CRACD: variants seen among roughly 807,000 people sequenced by gnomAD.
CRACD encodes the protein capping protein inhibiting regulator of actin dynamics.
Under a neutral mutation model 106.8 loss-of-function variants are expected in CRACD, and 56 were observed. The observed-to-expected ratio is 0.52, with a 90% confidence interval of 0.42 to 0.66. CRACD has a LOEUF of 0.66. Among genes scored for constraint, CRACD ranks in the 30% least tolerant of loss-of-function variants. The pLI is 0.00. For missense variants in CRACD, 1,730 were observed against 1,623.2 expected, an observed-to-expected ratio of 1.07 and a Z score of -1.13; for synonymous variants, 754 against 670.8, an observed-to-expected ratio of 1.12 and a Z score of -1.92.
At chr4:56,131,938 A>G (rs571615144) in intron 1 of CRACD, among the ~76,000 whole-genome samples, 2 of 152,326 alleles carry the variant, frequency 1.3e-5, no homozygotes, top group Non-Finnish European at 2.9e-5. Context: ...TGATGTAACT[A>G]TATTTTTGGA....
At position 56,181,101 on chromosome 4, in the gene CRACD, A is replaced by G. The variant is rs958454121; in HGVS notation, c.-189+1671A>G. 8.6e-4 allele frequency among the ~76,000 whole-genome samples: 131 copies of G among 152,228 alleles called. 6 individuals are homozygous for G. Among genetic ancestry groups the G allele is most frequent in the Admixed American group, 8.6e-3 (131 of 15,284 alleles). On this transcript the variant is annotated intron_variant, in intron 2 of 10. Transcript: ENST00000682029. Reference sequence around the variant, plus strand: ...GCTTAATGTTGTAGCATGGATGGAGATGATAAATAATGCATATAATAAACA... The same window carrying G: ...GCTTAATGTTGTAGCATGGATGGAGGTGATAAATAATGCATATAATAAACA...
intron 2 of CRACD, among the ~76,000 whole-genome samples, chr4:56,184,782 T>G (rs1252363814): frequency 6.6e-6 from 1 of 152,192 alleles, no homozygotes; most frequent in African/African-American, 2.4e-5. Flanking sequence ...TAATCCCTCT[T>G]ATCACTATGG....
chr4:56,165,231 T>C (rs1169617746), intron 1 of CRACD, among the ~76,000 whole-genome samples: 1 of 152,230 alleles, frequency 6.6e-6, no homozygotes. Flanking sequence ...GTGATGTTTC[T>C]CAGCCTAGTG....
chr4:56,120,749 T>C (rs1407763377), intron 1 of CRACD, among the ~76,000 whole-genome samples: 1 of 152,238 alleles, frequency 6.6e-6, no homozygotes, highest in African/African-American at 2.4e-5. Context: ...TGGTTTTAAA[T>C]ATCCATGTAT....
chr4:56,124,791 A>G (rs996747948), intron 1 of CRACD, among the ~76,000 whole-genome samples: 1 of 152,014 alleles, frequency 6.6e-6, no homozygotes, highest in African/African-American at 2.4e-5. Flanking sequence ...TTGGTAGAGG[A>G]AGAGTTGCTT....
chr4:56,180,317 C>G (rs1055190882), intron 2 of CRACD, among the ~76,000 whole-genome samples: 1 of 151,916 alleles, frequency 6.6e-6, no homozygotes, highest in African/African-American at 2.4e-5. Flanking sequence ...CGGTGAAACC[C>G]CATCTCTACT....
intron 2 of CRACD, among the ~76,000 whole-genome samples, chr4:56,183,945 C>T (rs1736970106): frequency 6.6e-6 from 1 of 152,118 alleles, no homozygotes; most frequent in Non-Finnish European, 1.5e-5. Context: ...TGTTTTTATT[C>T]CCTCTAAGCT....
chr4:56,199,858 T>A lies in CRACD; in HGVS notation c.-189+20428T>A, dbSNP rs73817398. ...GAGCTTCCAAGGACAGATTTCACAT[T>A]ACTGCAAGTTAAACTTCTGACTTTT... On this transcript the variant is annotated intron_variant, in intron 2 of 10. Coordinates refer to ENST00000682029, the MANE Select transcript of CRACD (RefSeq NM_001393381.1). Among the ~76,000 whole-genome samples the A allele has an allele frequency of 7.3e-3, 1,107 of 152,244 alleles. 17 individuals carry two copies. Among genetic ancestry groups the A allele is most frequent in the African/African-American group, 0.025 (1,043 of 41,546 alleles).
intron 1 of CRACD, among the ~76,000 whole-genome samples, chr4:56,059,023 T>C (rs1732179331): frequency 6.6e-6 from 1 of 152,234 alleles, no homozygotes; most frequent in African/African-American, 2.4e-5. Context: ...TCTTTTTTTT[T>C]GTCTGTTACA....
intron 3 of CRACD, chr4:56,288,704 G>A (rs1251084136): frequency 6.6e-6 from 1 of 152,208 alleles, no homozygotes; most frequent in Non-Finnish European, 1.5e-5. Context: ...TCAAGATGAT[G>A]TAGATCTTCT....
intron 2 of CRACD, among the ~76,000 whole-genome samples, chr4:56,265,401 GGGGTGT>G (rs58935288): frequency 0.6 from 70,244 of 116,110 alleles, 16,553 homozygotes; most frequent in East Asian, 0.7. Context: ...GTATAGAGGA[GGGGTGT>G]GTGTGTGTGT....
chr4:56,195,693 C>G (rs528513989), intron 2 of CRACD, among the ~76,000 whole-genome samples: 3 of 152,120 alleles, frequency 2.0e-5, no homozygotes, highest in East Asian at 1.9e-4. Context: ...ATATATTTTT[C>G]TAATAAACAA....
chr4:56,304,755 C>T (rs1560527380), intron 4 of CRACD, among the ~76,000 whole-genome samples: 1 of 151,558 alleles, frequency 6.6e-6, no homozygotes, highest in Admixed American at 6.6e-5. Flanking sequence ...GCACTTTAGC[C>T]TGGGCAACAG....
chr4:56,235,610 C>G (rs1441078895), intron 2 of CRACD, among the ~76,000 whole-genome samples: 1 of 152,160 alleles, frequency 6.6e-6, no homozygotes, highest in Non-Finnish European at 1.5e-5. Flanking sequence ...AAGTCATACG[C>G]TACATGCTCA....
At chr4:56,120,483 A>G (rs1734447624) in intron 1 of CRACD, among the ~76,000 whole-genome samples, 1 of 152,232 alleles carries the variant, frequency 6.6e-6, no homozygotes, top group Admixed American at 6.5e-5. Context: ...GAAATTACCA[A>G]ATAGTTATCT....
At chr4:56,093,079 CAT>C (rs1733477248) in intron 1 of CRACD, among the ~76,000 whole-genome samples, 1 of 152,122 alleles carries the variant, frequency 6.6e-6, no homozygotes. Flanking sequence ...GGAGTTTTTT[CAT>C]AGTTTCTGTG....
intron 1 of CRACD, among the ~76,000 whole-genome samples, chr4:56,096,575 G>A (rs752951827): frequency 1.3e-5 from 2 of 152,000 alleles, no homozygotes; most frequent in Admixed American, 1.3e-4. Flanking sequence ...TTAGCTGCAC[G>A]TGGTGGAGTG....
intron 1 of CRACD, among the ~76,000 whole-genome samples, chr4:56,063,496 A>C (rs1732352582): frequency 6.6e-6 from 1 of 152,164 alleles, no homozygotes; most frequent in Admixed American, 6.5e-5. Flanking sequence ...GAACTTTTTC[A>C]TCATCTCAAC....
chr4:56,091,025 A>G (rs1210199056), intron 1 of CRACD, among the ~76,000 whole-genome samples: 1 of 152,042 alleles, frequency 6.6e-6, no homozygotes, highest in African/African-American at 2.4e-5. Context: ...GCTTCACACA[A>G]TAGTAGTTTT....
Sources: allele counts gnomAD v4.1 joint callset (sites outside exome capture counted in the v4.1 genomes callset), GRCh38; gene constraint gnomAD v4.1.1; transcripts MANE v1.5; gene names NCBI Gene and HGNC (gene_info 2026-07-23, HGNC 2026-07-21).